The following AP5Z1 variants were observed in gnomAD, a reference collection of about 807,000 sequenced individuals.
The protein encoded by AP5Z1 is AP-5 complex subunit zeta-1.
In AP5Z1, 106 loss-of-function variants were observed where a neutral mutation model predicts 83.0. The ratio of observed to expected loss-of-function variants is 1.28; its 90% confidence interval spans 1.09 to 1.50. The LOEUF (loss-of-function observed/expected upper bound fraction) is 1.50, where lower values mean the gene tolerates loss of function less well. Ranked by LOEUF, AP5Z1 falls within the 40% of genes most tolerant of loss-of-function variation. The pLI, the probability that AP5Z1 is intolerant of heterozygous loss-of-function variation, is 0.00. For missense variants in AP5Z1, 1,565 were observed against 1,094.2 expected (o/e 1.43, Z -6.07); for synonymous variants, 751 against 514.1 (o/e 1.46, Z -6.23).
In AP5Z1 at chr7:4,791,424, C is replaced by G. The variant is rs777362842; in HGVS notation, c.*39C>G. ...AGGGACTTCGGTGCAGATTAAGAGC[C>G]TGGGCAGCCAGCTTGCTACTGAGGC... On this transcript the variant is annotated 3_prime_UTR_variant, in exon 17 of 17. Coordinates refer to ENST00000649063, the MANE Select transcript of AP5Z1 (RefSeq NM_014855.3). 1.9e-6 allele frequency: 3 copies of G among 1,560,014 alleles called. No individual in the cohort carries two copies. Among genetic ancestry groups the G allele is most frequent in the Non-Finnish European group, 2.6e-6 (3 of 1,150,600 alleles).
chr7:4,790,697 T>C lies in AP5Z1; in HGVS notation c.1963T>C (p.Ser655Pro), dbSNP rs764228580. 9.3e-6 allele frequency: 15 copies of C among 1,611,602 alleles called. No individual in the cohort carries two copies. Among genetic ancestry groups the C allele is most frequent in the Non-Finnish European group, 3.4e-6 (4 of 1,179,638 alleles). The stretch of plus-strand genomic sequence containing the variant: ...GGTGTGGGCCATCGGCGAGTACCTG[T>C]CGGTGACCTACGATCGGAGGTGCAC... ...SVVWAIGEYL[S>P]VTYDRRCTVE... Residue 655 changes from serine to proline, a missense_variant, in exon 16 of 17, where the codon TCG becomes CCG. By Grantham distance (74) the Ser-to-Pro change is moderately conservative. Coordinates refer to ENST00000649063, the MANE Select transcript of AP5Z1 (RefSeq NM_014855.3).
Position 4,791,250 on chromosome 7 carries a change from G to A in AP5Z1, c.2289G>A (p.Val763=), listed in dbSNP as rs925870726. 2 of 1,612,760 alleles carry A rather than the reference G, an allele frequency of 1.2e-6. No homozygotes were observed. Among genetic ancestry groups the A allele is most frequent in the Non-Finnish European group, 1.7e-6 (2 of 1,179,866 alleles). The change falls in exon 17 of 17, where the codon GTG becomes GTA. Residue 763 remains valine, a synonymous_variant. Transcript: ENST00000649063. ...TGACCCTGCTGAAGATGCCTAGCGT[G>A]GCCCAGTTTGTGCTCACACCCAGCA... ...ELLTLLKMPS[V]AQFVLTPSTE... is the part of the protein sequence containing the mutation.
chr7:4,784,099 T>C lies in AP5Z1; in HGVS notation c.622-104T>C, dbSNP rs372410524. 53 of 1,366,262 alleles carry C rather than the reference T, an allele frequency of 3.9e-5. No homozygotes were observed. In the African/African-American group the frequency reaches 5.5e-4, roughly 14 times the overall value. 84.6% of individuals were successfully genotyped at this position (1,366,262 alleles called of 1,614,324 possible). On this transcript the variant is annotated intron_variant, in intron 5 of 16. Coordinates refer to ENST00000649063, the MANE Select transcript of AP5Z1 (RefSeq NM_014855.3). ...CAGGGCGGGCCGCTGCCCGGGCTCA[T>C]GTTCAGGCAGCTTCTCCTCCACCTC...
chr7:4,786,033 C>T (rs934644413), intron 9 of AP5Z1, among the ~76,000 whole-genome samples: 2 of 152,256 alleles, frequency 1.3e-5, no homozygotes, highest in Admixed American at 6.5e-5. Flanking sequence ...GAACCAGCAC[C>T]TTCCAAAGAA....
intron 1 of AP5Z1, among the ~76,000 whole-genome samples, chr7:4,779,253 A>G (rs1456938373): frequency 1.4e-5 from 2 of 147,320 alleles, no homozygotes; most frequent in African/African-American, 4.9e-5. Flanking sequence ...TAACATTAGA[A>G]ATAATGTATA....
intron 1 of AP5Z1, among the ~76,000 whole-genome samples, chr7:4,780,345 C>T (rs1583226738): frequency 1.3e-5 from 2 of 152,176 alleles, no homozygotes; most frequent in East Asian, 1.9e-4. Flanking sequence ...TCAGGCCAGG[C>T]GTGGTGGCTC....
rs192441133 is a variant in AP5Z1, at chr7:4,785,614, C to A, written c.1062C>A (p.His354Gln). The A allele has an allele frequency of 6.3e-7, 1 of 1,583,998 alleles. No homozygotes were observed. The highest frequency in any genetic ancestry group is 1.1e-5 in the South Asian group (1 of 87,770). ...YRSLSCLKAL[H>Q]GRVRGDPASV... ...GTCTCTCCTGCCTGAAGGCCCTGCACGGGCGGGTGCGCGGGGACCCGGCCT... is the reference window on the plus strand; with the variant it reads ...GTCTCTCCTGCCTGAAGGCCCTGCAAGGGCGGGTGCGCGGGGACCCGGCCT... The change falls in exon 9 of 17, where the codon CAC becomes CAA. Residue 354 changes from histidine (H) to glutamine (Q), a missense_variant. By Grantham distance (24) the His-to-Gln change is conservative. Transcript: ENST00000649063.
Position 4,791,477 on chromosome 7 carries a change from G to A in AP5Z1, c.*92G>A, listed in dbSNP as rs112283999. On this transcript the variant is annotated 3_prime_UTR_variant, in exon 17 of 17. Transcript: ENST00000649063. The stretch of plus-strand genomic sequence containing the variant: ...GGCTGATAGGAGCTCAGGAGGGCGC[G>A]GGAGTCCTGGGAGAGGAGGCAAGGC... The A allele has an allele frequency of 9.3e-3, 13,627 of 1,463,270 alleles. 91 individuals carry two copies. Among genetic ancestry groups the A allele is most frequent in the Middle Eastern group, 0.021 (83 of 3,986 alleles). The allele number at this position is 1,463,270 out of a possible 1,614,324, so 90.6% of individuals were successfully genotyped here.
At position 4,785,786 on chromosome 7, in the gene AP5Z1, A is replaced by C. The variant is rs1414371026; in HGVS notation, c.1132+102A>C. On this transcript the variant is annotated intron_variant, in intron 9 of 16. Coordinates refer to ENST00000649063, the MANE Select transcript of AP5Z1 (RefSeq NM_014855.3). ...TTTTTTTTTTTTTTTTTTTTGATTG[A>C]ATAGAGACAGGGGTCTTGCTGTGTT... The C allele has an allele frequency of 1.4e-5, 18 of 1,285,682 alleles. No homozygotes were observed. The South Asian group carries it at 1.7e-4, about 12-fold the overall frequency. 79.6% of individuals were successfully genotyped at this position (1,285,682 alleles called of 1,614,324 possible).
Position 4,791,507 on chromosome 7 carries a change from G to T in AP5Z1, c.*122G>T, listed in dbSNP as rs768593845. On this transcript the variant is annotated 3_prime_UTR_variant, in exon 17 of 17. Transcript: ENST00000649063. The stretch of plus-strand genomic sequence containing the variant: ...TCCTGGGAGAGGAGGCAAGGCCCAC[G>T]GTGGGCTTGGCACCCTCACAGACAC... 9.0e-5 allele frequency: 126 copies of T among 1,398,286 alleles called. No homozygotes were observed. The highest frequency in any genetic ancestry group is 1.1e-4 in the Non-Finnish European group (120 of 1,046,632). 86.6% of individuals were successfully genotyped at this position (1,398,286 alleles called of 1,614,324 possible).
intron 1 of AP5Z1, among the ~76,000 whole-genome samples, chr7:4,780,349 G>T (rs1458475112): frequency 6.6e-6 from 1 of 152,196 alleles, no homozygotes; most frequent in African/African-American, 2.4e-5. Flanking sequence ...GCCAGGCGTG[G>T]TGGCTCACGC....
At chr7:4,783,175 G>T in intron 3 of AP5Z1, 141 bp from the exon 4 acceptor site, 1 of 1,311,758 alleles carries the variant, frequency 7.6e-7, no homozygotes, top group Non-Finnish European at 1.0e-6. Context: ...GTGGGCCTGC[G>T]CGGGACATCC....
In AP5Z1 at chr7:4,789,890, C is replaced by A. The variant is rs765366145; in HGVS notation, c.1766C>A (p.Ser589Ter). 1 of 1,551,464 alleles carries A rather than the reference C, an allele frequency of 6.4e-7. No homozygotes were observed. The highest frequency in any genetic ancestry group is 1.7e-4 in the Middle Eastern group (1 of 5,944). Residue 589 changes from serine (S) to a stop codon, truncating the protein, a stop_gained, in exon 14 of 17, where the codon TCG becomes TAG. Coordinates refer to ENST00000649063, the MANE Select transcript of AP5Z1 (RefSeq NM_014855.3). LOFTEE classifies it high-confidence loss of function. ...LALLLLGRSD[S>*]LYPAPGYAAG... The stretch of plus-strand genomic sequence containing the variant: ...CTGCTGCTCCTGGGCAGGAGCGACT[C>A]GCTCTACCCGGCCCCAGGGTACGCT...
At chr7:4,782,421 G>A (rs1022139498) in intron 3 of AP5Z1, among the ~76,000 whole-genome samples, 1 of 152,184 alleles carries the variant, frequency 6.6e-6, no homozygotes, top group Non-Finnish European at 1.5e-5. Flanking sequence ...GAGAGAAGCT[G>A]CTATCTCTGC....
rs73671921 is a variant in AP5Z1 at position 4,784,903 on chromosome 7, C to G, written c.791-5C>G. 1.1e-5 allele frequency: 17 copies of G among 1,607,192 alleles called. No individual in the cohort carries two copies. In the South Asian group the frequency reaches 1.7e-4, roughly 16 times the overall value. ...CAGCCTGCTGAGAGTTCCCACCTCC[C>G]GCAGATGACAGGTCAGAGCAGGAGG... On this transcript the variant is annotated splice_region_variant and splice_polypyrimidine_tract_variant and intron_variant, in intron 6 of 16. Coordinates refer to ENST00000649063, the MANE Select transcript of AP5Z1 (RefSeq NM_014855.3).
chr7:4,790,830 C>G lies in AP5Z1; in HGVS notation c.2096C>G (p.Thr699Ser). 1 of 1,609,370 alleles carries G rather than the reference C, an allele frequency of 6.2e-7. No individual in the cohort carries two copies. The highest frequency in any genetic ancestry group is 8.5e-7 in the Non-Finnish European group (1 of 1,178,882). Residue 699 changes from threonine to serine, a missense_variant, in exon 16 of 17, where the codon ACC becomes AGC. By Grantham distance (58) the Thr-to-Ser change is moderately conservative. Coordinates refer to ENST00000649063, the MANE Select transcript of AP5Z1 (RefSeq NM_014855.3). The part of the protein sequence containing the change: ...ALPRCPPQVV[T>S]VLMTTLTKLA... ...CCCAGGTGTCCCCCCCAGGTGGTCA[C>G]CGTGCTGATGACCACGCTGACGAAG... is the stretch of plus-strand genomic sequence containing the variant.
intron 1 of AP5Z1, among the ~76,000 whole-genome samples, chr7:4,778,981 A>T (rs1008921078): frequency 1.4e-5 from 2 of 146,688 alleles, no homozygotes; most frequent in African/African-American, 5.0e-5. Flanking sequence ...CAGTGAGCTG[A>T]GATTATGCCA....
chr7:4,790,544 G>C lies in AP5Z1; in HGVS notation c.1891G>C (p.Gly631Arg). The stretch of plus-strand genomic sequence containing the variant: ...GGCAAGAGACCTGCTGGAGTTCCTG[G>C]GCAGCGTGAATGGTCTCTGCAGCAG... ...ELARDLLEFL[G>R]SVNGLCSRAS... Residue 631 changes from glycine (G) to arginine (R), a missense_variant, in exon 15 of 17, where the codon GGC (glycine) becomes CGC (arginine). Transcript: ENST00000649063. 6.2e-7 allele frequency: 1 copy of C among 1,613,134 alleles called. No homozygotes were observed. The highest frequency in any genetic ancestry group is 2.2e-5 in the East Asian group (1 of 44,864).
intron 1 of AP5Z1, among the ~76,000 whole-genome samples, chr7:4,777,736 T>C (rs1356723960): frequency 6.6e-6 from 1 of 152,080 alleles, no homozygotes; most frequent in Admixed American, 6.6e-5. Flanking sequence ...CTGGCTCGGG[T>C]GGGCAGCCGT....
Sources: allele counts gnomAD v4.1 joint callset (sites outside exome capture counted in the v4.1 genomes callset), GRCh38; gene constraint gnomAD v4.1.1; transcripts MANE v1.5; gene names NCBI Gene and HGNC (gene_info 2026-07-23, HGNC 2026-07-21).